Variants in CPNE4 observed in about 807,000 individuals in gnomAD.
CPNE4 encodes the protein copine-4.
Under a neutral mutation model 67.9 loss-of-function variants are expected in CPNE4, and 25 were observed. The observed-to-expected ratio is 0.37, with a 90% confidence interval of 0.27 to 0.51. The LOEUF is 0.51. CPNE4 is among the 20% of genes least tolerant of loss of function. The pLI is 0.93. For synonymous variants in CPNE4, 242 were observed against 244.9 expected, an observed-to-expected ratio of 0.99 and a Z score of 0.11; for missense variants, 464 against 690.8, an observed-to-expected ratio of 0.67 and a Z score of 3.68.
chr3:131,821,311 G>C (rs2084951624), intron 2 of CPNE4, among the ~76,000 whole-genome samples: 1 of 152,204 alleles, frequency 6.6e-6, no homozygotes, highest in Non-Finnish European at 1.5e-5. Flanking sequence ...GAGAATACTG[G>C]GAATTTAGAG....
intron 2 of CPNE4, among the ~76,000 whole-genome samples, chr3:131,832,677 G>T (rs1039856911): frequency 6.6e-6 from 1 of 152,116 alleles, no homozygotes; most frequent in Non-Finnish European, 1.5e-5. Context: ...TACCTTGTTG[G>T]ATTTCACAGA....
chr3:131,838,728 A>G (rs1339189858), intron 2 of CPNE4, among the ~76,000 whole-genome samples: 1 of 151,758 alleles, frequency 6.6e-6, no homozygotes, highest in Non-Finnish European at 1.5e-5. Context: ...TTTTATTTTT[A>G]AAACAATAAG....
chr3:131,828,456 T>C (rs1163359979), intron 2 of CPNE4, among the ~76,000 whole-genome samples: 7 of 152,216 alleles, frequency 4.6e-5, no homozygotes. Context: ...CATGCTATTA[T>C]AAGCATTGGA....
At chr3:131,818,764 G>A (rs1027724561) in intron 2 of CPNE4, among the ~76,000 whole-genome samples, 3 of 152,172 alleles carry the variant, frequency 2.0e-5, no homozygotes, top group African/African-American at 7.2e-5. Flanking sequence ...AAGTTGTTGA[G>A]ATTGAATCCT....
intron 1 of CPNE4, among the ~76,000 whole-genome samples, chr3:131,943,996 C>T (rs113298502): frequency 3.3e-5 from 5 of 152,260 alleles, no homozygotes; most frequent in African/African-American, 1.2e-4. Flanking sequence ...TATCTTAATT[C>T]TATCACCATG....
intron 2 of CPNE4, among the ~76,000 whole-genome samples, chr3:131,724,725 C>T (rs2081964259): frequency 6.6e-6 from 1 of 152,126 alleles, no homozygotes; most frequent in Admixed American, 6.5e-5. Context: ...TAATGGCTTC[C>T]TGTTGTTGCT....
At chr3:131,730,277 T>C (rs1214233220) in intron 2 of CPNE4, among the ~76,000 whole-genome samples, 1 of 152,212 alleles carries the variant, frequency 6.6e-6, no homozygotes, top group Non-Finnish European at 1.5e-5. Flanking sequence ...TTTTTTTCTT[T>C]CCTAGGGAAA....
intron 2 of CPNE4, among the ~76,000 whole-genome samples, chr3:131,731,569 G>A (rs1425859911): frequency 2.6e-5 from 4 of 152,048 alleles, no homozygotes; most frequent in Non-Finnish European, 5.9e-5. Flanking sequence ...CAGTTTGTGA[G>A]GCTGTTTTCT....
Position 131,699,991 on chromosome 3 carries a change from G to T in CPNE4, c.361-11C>A. 1 of 1,546,942 alleles carries T rather than the reference G, an allele frequency of 6.5e-7. No individual in the cohort carries two copies. Reference sequence around the variant, plus strand: ...TCTCTGGGAAACAATCTGCAAAAAAGGAAACAAAAGGTAACAAAAGGTAGA... The same window carrying T: ...TCTCTGGGAAACAATCTGCAAAAAATGAAACAAAAGGTAACAAAAGGTAGA... On this transcript the variant is annotated splice_polypyrimidine_tract_variant and intron_variant, in intron 3 of 15. Transcript: ENST00000429747.
intron 1 of CPNE4, among the ~76,000 whole-genome samples, chr3:131,971,976 G>T (rs544809346): frequency 6.6e-6 from 1 of 152,148 alleles, no homozygotes; most frequent in Non-Finnish European, 1.5e-5. Flanking sequence ...GGTGTTTAAT[G>T]AATGTTTACA....
chr3:131,713,775 C>G (rs1317948829), intron 3 of CPNE4, among the ~76,000 whole-genome samples: 1 of 152,060 alleles, frequency 6.6e-6, no homozygotes, highest in Non-Finnish European at 1.5e-5. Flanking sequence ...GATTCCTTGC[C>G]TGTTTAGAAG....
At chr3:131,998,179 G>A (rs1476960377) in intron 1 of CPNE4, among the ~76,000 whole-genome samples, 1 of 152,080 alleles carries the variant, frequency 6.6e-6, no homozygotes, top group Non-Finnish European at 1.5e-5. Context: ...GCATAGAAAT[G>A]CTAAAGTTTC....
intron 1 of CPNE4, among the ~76,000 whole-genome samples, chr3:131,993,402 T>C (rs2073213885): frequency 8.2e-6 from 1 of 121,414 alleles, no homozygotes; most frequent in African/African-American, 2.9e-5. Context: ...TGGAGAAATA[T>C]TATTACTTAA....
chr3:131,717,878 C>CT (rs1354811766), intron 3 of CPNE4, among the ~76,000 whole-genome samples: 3,435 of 26,132 alleles, frequency 0.13, 202 homozygotes, highest in Middle Eastern at 0.23. Flanking sequence ...TCTTTCTTTT[C>CT]TTTCTTTCTT....
intron 1 of CPNE4, among the ~76,000 whole-genome samples, chr3:131,932,630 T>G (rs565277190): frequency 6.6e-5 from 10 of 151,910 alleles, no homozygotes; most frequent in African/African-American, 2.4e-4. Flanking sequence ...GGTACATGAG[T>G]AGGAGTCAGC....
At chr3:131,874,618 G>T (rs1359308304) in intron 2 of CPNE4, among the ~76,000 whole-genome samples, 1 of 152,144 alleles carries the variant, frequency 6.6e-6, no homozygotes, top group East Asian at 1.9e-4. Context: ...ATGAATTTAT[G>T]TATCTGAACA....
intron 2 of CPNE4, among the ~76,000 whole-genome samples, chr3:131,735,945 G>A (rs548654406): frequency 1.3e-5 from 2 of 152,274 alleles, no homozygotes; most frequent in South Asian, 2.1e-4. Context: ...TCTATCTGAA[G>A]CCAAATCCAA....
intron 2 of CPNE4, among the ~76,000 whole-genome samples, chr3:131,755,644 T>C (rs964983822): frequency 6.6e-6 from 1 of 152,198 alleles, no homozygotes; most frequent in South Asian, 2.1e-4. Flanking sequence ...GACAGGTTTC[T>C]TAATATTCAG....
At chr3:131,869,647 G>A (rs1472397869) in intron 2 of CPNE4, among the ~76,000 whole-genome samples, 1 of 152,080 alleles carries the variant, frequency 6.6e-6, no homozygotes, top group African/African-American at 2.4e-5. Context: ...TTTGAACAAT[G>A]CATTATATGT....
Sources: gnomAD v4.1 joint callset for allele counts (sites outside exome capture counted in the v4.1 genomes callset) on GRCh38, gnomAD v4.1.1 for gene constraint, MANE v1.5 for transcripts, NCBI Gene and HGNC (gene_info 2026-07-23, HGNC 2026-07-21) for gene names.